Variants in HMGXB3 observed in about 807,000 individuals in gnomAD.
HMGXB3 encodes the protein HMG domain-containing protein 3.
A neutral mutation model predicts 121.5 loss-of-function variants in HMGXB3; 45 were observed. The observed-to-expected ratio is 0.37, with a 90% CI of 0.29 to 0.47. The LOEUF is 0.47. Among genes scored for constraint, HMGXB3 ranks in the 20% least tolerant of loss-of-function variants. The pLI is 0.99. For synonymous variants in HMGXB3, 590 were observed against 624.1 expected (o/e 0.95, Z 0.81); for missense variants, 1,376 against 1,602.2 (o/e 0.86, Z 2.41).
At position 150,032,604 on chromosome 5, in the gene HMGXB3, G is replaced by A. The variant is rs1315652404; in HGVS notation, c.1983+1G>A. 16 of 1,552,128 alleles carry A rather than the reference G, an allele frequency of 1.0e-5. No homozygotes were observed. The highest frequency in any genetic ancestry group is 2.4e-5 in the East Asian group (1 of 40,934). The stretch of plus-strand genomic sequence containing the variant: ...GACTGAGAAAACCACCAAGGCTATC[G>A]TGAGTTCCTTCCCCCAAACACATCC... On this transcript the variant is annotated splice_donor_variant, in intron 11 of 19. Transcript: ENST00000502717. LOFTEE classifies it high-confidence loss of function.
chr5:150,008,026 T>A (rs1037665824), intron 3 of HMGXB3, among the ~76,000 whole-genome samples: 1 of 151,170 alleles, frequency 6.6e-6, no homozygotes, highest in Non-Finnish European at 1.5e-5. Flanking sequence ...CACTGCACTC[T>A]AGCCTGGGCA....
At chr5:150,044,873 T>G (rs557057391) in intron 15 of HMGXB3, among the ~76,000 whole-genome samples, 1 of 152,206 alleles carries the variant, frequency 6.6e-6, no homozygotes, top group Non-Finnish European at 1.5e-5. Flanking sequence ...TTAATAGATG[T>G]CTATAAGAGA....
At chr5:150,004,472 C>T (rs904760633) in intron 1 of HMGXB3, among the ~76,000 whole-genome samples, 2 of 152,084 alleles carry the variant, frequency 1.3e-5, no homozygotes, top group Non-Finnish European at 2.9e-5. Context: ...TAACCTGTTT[C>T]CATATAGAAT....
At chr5:150,043,212 A>G (rs919468679) in intron 15 of HMGXB3, among the ~76,000 whole-genome samples, 1 of 152,254 alleles carries the variant, frequency 6.6e-6, no homozygotes, top group African/African-American at 2.4e-5. Context: ...TTTAGCAAAC[A>G]GAACAGTAGG....
At chr5:150,018,458 T>G in intron 5 of HMGXB3, 108 bp from the exon 6 acceptor site, 1 of 843,222 alleles carries the variant, frequency 1.2e-6, no homozygotes, top group Non-Finnish European at 1.7e-6. Flanking sequence ...TGATTATGAA[T>G]TGGTTATCTT....
intron 5 of HMGXB3, among the ~76,000 whole-genome samples, chr5:150,016,861 T>C (rs1473543108): frequency 1.3e-5 from 2 of 152,210 alleles, no homozygotes; most frequent in African/African-American, 4.8e-5. Flanking sequence ...TATTGGCTTA[T>C]TAGCTATTGA....
chr5:150,032,038 T>C (rs532110122), intron 10 of HMGXB3, among the ~76,000 whole-genome samples: 61 of 152,234 alleles, frequency 4.0e-4, no homozygotes, highest in African/African-American at 1.4e-3. Context: ...TAACTTGTCA[T>C]AGGAGCTTAG....
intron 6 of HMGXB3, among the ~76,000 whole-genome samples, chr5:150,020,520 G>A (rs1756064657): frequency 6.6e-6 from 1 of 151,930 alleles, no homozygotes; most frequent in South Asian, 2.1e-4. Context: ...TTTTTACTTT[G>A]GCTTTTTCAT....
At position 150,006,571 on chromosome 5, in the gene HMGXB3, G is replaced by A; in HGVS notation, c.236G>A (p.Ser79Asn). The A allele has an allele frequency of 6.4e-7, 1 of 1,552,292 alleles. No individual in the cohort carries two copies. The highest frequency in any genetic ancestry group is 8.7e-7 in the Non-Finnish European group (1 of 1,147,116). The change falls in exon 3 of 20, where the codon AGT becomes AAT. Residue 79 changes from serine to asparagine, a missense_variant. This residue lies in a region of HMGXB3 where 1,116 missense variants were observed against 1,369.0 expected (regional missense o/e 0.82). Coordinates refer to ENST00000502717, the MANE Select transcript of HMGXB3 (RefSeq NM_014983.3). ...QSEINKKISE[S>N]WRLLSVAERS... ...GAGATCAATAAGAAGATTAGTGAGA[G>A]TTGGAGGCTTCTCAGCGTGGCCGAG...
At chr5:150,019,180 T>C (rs1756028711) in intron 6 of HMGXB3, among the ~76,000 whole-genome samples, 1 of 152,192 alleles carries the variant, frequency 6.6e-6, no homozygotes, top group African/African-American at 2.4e-5. Flanking sequence ...ATTTAACATA[T>C]CATGCCTTTA....
intron 5 of HMGXB3, among the ~76,000 whole-genome samples, chr5:150,014,050 A>G (rs2113731133): frequency 6.6e-6 from 1 of 152,370 alleles, no homozygotes; most frequent in Admixed American, 6.5e-5. Flanking sequence ...TTGTTTCTGG[A>G]CAGTTACTAC....
chr5:150,021,116 C>T (rs894773135), intron 6 of HMGXB3, among the ~76,000 whole-genome samples: 3 of 152,092 alleles, frequency 2.0e-5, no homozygotes, highest in Non-Finnish European at 2.9e-5. Flanking sequence ...GCTACCTTCC[C>T]CCATCTTGAC....
intron 13 of HMGXB3, among the ~76,000 whole-genome samples, chr5:150,039,382 A>G (rs1369166149): frequency 6.6e-6 from 1 of 151,738 alleles, no homozygotes; most frequent in Non-Finnish European, 1.5e-5. Flanking sequence ...TTTTTTTTTC[A>G]GTGCTAAATG....
At chr5:150,024,230 C>T (rs1351240004) in intron 6 of HMGXB3, 32 bp from the exon 7 acceptor site, 3 of 1,461,736 alleles carry the variant, frequency 2.1e-6, no homozygotes, top group South Asian at 2.9e-5. Flanking sequence ...TGTAAAATCC[C>T]TTATGTATAC....
At chr5:150,018,977 TTTC>T (rs2113735676) in intron 6 of HMGXB3, among the ~76,000 whole-genome samples, 1 of 152,238 alleles carries the variant, frequency 6.6e-6, no homozygotes, top group East Asian at 1.9e-4. Flanking sequence ...TATCTGTTTT[TTTC>T]TTCTTCTTTC....
At chr5:150,034,866 A>G (rs1756465805) in intron 11 of HMGXB3, among the ~76,000 whole-genome samples, 1 of 152,172 alleles carries the variant, frequency 6.6e-6, no homozygotes, top group Non-Finnish European at 1.5e-5. Context: ...GTGGTCTTCC[A>G]GCTGTGGTTT....
At position 150,051,941 on chromosome 5, in the gene HMGXB3, A is replaced by G; in HGVS notation, c.3628A>G (p.Ser1210Gly). Reference protein sequence around the residue: ...YATILASIVDSKPNGVRQRPI... With the variant: ...YATILASIVDGKPNGVRQRPI... ...AACCATCCTGGCCTCCATCGTGGACAGCAAACCAAACGGTGTCCGCCAGCG... is the reference window on the plus strand; with the variant it reads ...AACCATCCTGGCCTCCATCGTGGACGGCAAACCAAACGGTGTCCGCCAGCG... Residue 1210 changes from serine to glycine, a missense_variant, in exon 20 of 20, where the codon AGC (serine) becomes GGC (glycine). By Grantham distance (56) the Ser-to-Gly change is moderately conservative. Coordinates refer to ENST00000502717, the MANE Select transcript of HMGXB3 (RefSeq NM_014983.3). 1 of 1,552,344 alleles carries G rather than the reference A, an allele frequency of 6.4e-7. No individual in the cohort carries two copies. Among genetic ancestry groups the G allele is most frequent in the Non-Finnish European group, 8.7e-7 (1 of 1,147,134 alleles).
chr5:150,019,008 A>G (rs922902478), intron 6 of HMGXB3, among the ~76,000 whole-genome samples: 1 of 148,210 alleles, frequency 6.7e-6, no homozygotes, highest in Non-Finnish European at 1.5e-5. Context: ...TTTTTTTTCC[A>G]GTAGAGATGG....
At chr5:150,036,521 G>A in intron 11 of HMGXB3, 115 bp from the exon 12 acceptor site, 2 of 903,484 alleles carry the variant, frequency 2.2e-6, no homozygotes, top group Admixed American at 3.1e-5. Context: ...ACCTAGGTTT[G>A]CCACCTATCA....
Sources: gnomAD v4.1 joint callset for allele counts (sites outside exome capture counted in the v4.1 genomes callset) on GRCh38, gnomAD v4.1.1 for gene constraint, gnomAD v4.1.1 regional missense constraint, MANE v1.5 for transcripts, NCBI Gene and HGNC (gene_info 2026-07-23, HGNC 2026-07-21) for gene names.